Variants in TG observed in about 807,000 individuals in gnomAD.
TG encodes the protein thyroid hormones.
In TG, 270 loss-of-function variants were observed where a neutral mutation model predicts 324.7. The ratio of observed to expected loss-of-function variants is 0.83; its 90% CI spans 0.75 to 0.92. The LOEUF is 0.92. TG is among the 40% of genes least tolerant of loss of function. The pLI, the probability that TG is intolerant of heterozygous loss-of-function variation, is 0.00. For synonymous variants in TG, 1,401 were observed against 1,327.0 expected (o/e 1.06, Z -1.21); for missense variants, 3,591 against 3,456.4 (o/e 1.04, Z -0.98).
intron 16 of TG, among the ~76,000 whole-genome samples, chr8:132,905,711 T>G (rs973997393): frequency 4.6e-5 from 7 of 152,004 alleles, no homozygotes; most frequent in African/African-American, 1.4e-4. Context: ...CTCAACCCAG[T>G]GGGGTGACCA....
At chr8:133,003,647 G>A (rs566363434) in intron 35 of TG, among the ~76,000 whole-genome samples, 19 of 152,242 alleles carry the variant, frequency 1.2e-4, no homozygotes, top group African/African-American at 3.9e-4. Flanking sequence ...TTCTAGAAAG[G>A]AATAGAAGTG....
In TG at chr8:132,875,273, A is replaced by C. The variant is rs1358053173; in HGVS notation, c.638+2052A>C. Among the ~76,000 whole-genome samples the C allele has an allele frequency of 2.0e-5, 3 of 152,228 alleles. No homozygotes were observed. In the East Asian group the frequency reaches 5.8e-4, roughly 29 times the overall value. ...CTGAGAGCAAGTATAAATCTCAAACAGCCAGTTTTATTGAGTACTTATTGC... is the reference window on the plus strand; with the variant it reads ...CTGAGAGCAAGTATAAATCTCAAACCGCCAGTTTTATTGAGTACTTATTGC... On this transcript the variant is annotated intron_variant, in intron 5 of 47. Transcript: ENST00000220616.
intron 45 of TG, among the ~76,000 whole-genome samples, chr8:133,130,956 C>T (rs978339947): frequency 1.3e-5 from 2 of 152,198 alleles, no homozygotes; most frequent in African/African-American, 4.8e-5. Flanking sequence ...TAACCCTGGG[C>T]CTCCTGGCTT....
chr8:133,014,352 G>A (rs1169046474), intron 37 of TG, among the ~76,000 whole-genome samples: 2 of 152,154 alleles, frequency 1.3e-5, no homozygotes, highest in East Asian at 3.9e-4. Context: ...TGGTTCTGGG[G>A]CTCCAGGCAA....
chr8:132,911,433 G>C lies in TG; in HGVS notation c.4059G>C (p.Gln1353His). ...SIPVCNNSSV[Q>H]VGCLTRERLG... Reference sequence around the variant, plus strand: ...CTGTCTGCAACAACTCCTCTGTGCAGGTGGGTTGTCTGACCAGGGAGCGTT... The same window carrying C: ...CTGTCTGCAACAACTCCTCTGTGCACGTGGGTTGTCTGACCAGGGAGCGTT... Residue 1353 changes from glutamine to histidine, a missense_variant, in exon 19 of 48, where the codon CAG (glutamine) becomes CAC (histidine). Physicochemically the swap from Gln to His is conservative, Grantham distance 24. Transcript: ENST00000220616. 6.2e-7 allele frequency: 1 copy of C among 1,614,218 alleles called. No homozygotes were observed. Among genetic ancestry groups the C allele is most frequent in the South Asian group, 1.1e-5 (1 of 91,084 alleles).
chr8:133,043,467 A>G (rs1838712155), intron 41 of TG, among the ~76,000 whole-genome samples: 1 of 152,236 alleles, frequency 6.6e-6, no homozygotes, highest in South Asian at 2.1e-4. Context: ...GTTTTCGGAT[A>G]TCACAAGTAA....
Position 132,898,253 on chromosome 8 carries a change from G to A in TG, c.3217+7G>A. ...TCTCTGCAGATTCCACAGTGTAAGT[G>A]AAGACTGCAGAGTTCTCCTCCTGAC... On this transcript the variant is annotated splice_region_variant and intron_variant, in intron 13 of 47. Coordinates refer to ENST00000220616, the MANE Select transcript of TG (RefSeq NM_003235.5). 6.3e-7 allele frequency: 1 copy of A among 1,585,748 alleles called. No homozygotes were observed. Among genetic ancestry groups the A allele is most frequent in the African/African-American group, 1.3e-5 (1 of 74,752 alleles).
At chr8:133,076,533 A>C (rs1453105168) in intron 41 of TG, 1 of 152,206 alleles carries the variant, frequency 6.6e-6, no homozygotes, top group Non-Finnish European at 1.5e-5. Flanking sequence ...TACAGGGAAG[A>C]CGGGATAGGC....
intron 35 of TG, chr8:133,002,463 A>G: frequency 1.1e-6 from 1 of 951,926 alleles, no homozygotes; most frequent in Non-Finnish European, 1.3e-6. Flanking sequence ...TTAAATCTGA[A>G]TAGCAAATAC....
chr8:133,057,732 A>G (rs1161059826), intron 41 of TG, among the ~76,000 whole-genome samples: 1 of 151,938 alleles, frequency 6.6e-6, no homozygotes, highest in Non-Finnish European at 1.5e-5. Flanking sequence ...AAATTGACTA[A>G]TCAAGAATAT....
intron 44 of TG, among the ~76,000 whole-genome samples, chr8:133,114,505 G>T (rs1027292015): frequency 3.3e-5 from 5 of 152,174 alleles, no homozygotes; most frequent in African/African-American, 1.2e-4. Context: ...AATGATTTTT[G>T]AATAGAAATA....
intron 24 of TG, 105 bp from the exon 25 acceptor site, chr8:132,935,651 C>G (rs1024015426): frequency 9.8e-7 from 1 of 1,015,376 alleles, no homozygotes; most frequent in Non-Finnish European, 1.5e-6. Flanking sequence ...AACTAACTTA[C>G]CTTTGTAGCC....
intron 3 of TG, among the ~76,000 whole-genome samples, 170 bp downstream of exon 3, chr8:132,869,996 G>T (rs1000890860): frequency 1.3e-5 from 2 of 152,190 alleles, no homozygotes; most frequent in Non-Finnish European, 2.9e-5. Flanking sequence ...CCTATTTCCT[G>T]CAGGGCCACT....
At chr8:132,868,568 T>G (rs948296038) in intron 2 of TG, among the ~76,000 whole-genome samples, 1 of 152,112 alleles carries the variant, frequency 6.6e-6, no homozygotes, top group Non-Finnish European at 1.5e-5. Context: ...TGTCAAATGA[T>G]CTGTGCTTTG....
At chr8:132,923,096 G>T (rs945875741) in intron 21 of TG, among the ~76,000 whole-genome samples, 10 of 152,178 alleles carry the variant, frequency 6.6e-5, no homozygotes, top group Admixed American at 3.9e-4. Context: ...TGTATTCAGG[G>T]CATGGAATGA....
In TG at chr8:132,888,042, G is replaced by A. The variant is rs1815680516; in HGVS notation, c.2235G>A (p.Leu745=). ...EQAFLRTVQA[L]LSNSSMLPTL... is the part of the protein sequence containing the mutation. ...CTTTCCTCAGGACGGTGCAGGCCCT[G>A]CTCTCTAACTCCAGCATGCTACCCA... Residue 745 remains leucine (L), a synonymous_variant, in exon 10 of 48, where the codon CTG becomes CTA. Transcript: ENST00000220616. 2 of 1,614,032 alleles carry A rather than the reference G, an allele frequency of 1.2e-6. No homozygotes were observed. The highest frequency in any genetic ancestry group is 1.3e-5 in the African/African-American group (1 of 74,928).
In TG at chr8:132,961,054, G is replaced by A; in HGVS notation, c.5448G>A (p.Gln1816=). ...EGTQDTFTNF[Q]QVYLWKDSDM... is the part of the protein sequence containing the mutation. ...CTCAAGACACCTTTACCAATTTTCAGCAGGTTTATCTCTGGAAAGGTGAGC... is the reference window on the plus strand; with the variant it reads ...CTCAAGACACCTTTACCAATTTTCAACAGGTTTATCTCTGGAAAGGTGAGC... Residue 1816 remains glutamine, a synonymous_variant, in exon 28 of 48, where the codon CAG becomes CAA. Coordinates refer to ENST00000220616, the MANE Select transcript of TG (RefSeq NM_003235.5). 1 of 1,614,062 alleles carries A rather than the reference G, an allele frequency of 6.2e-7. No individual in the cohort carries two copies. The highest frequency in any genetic ancestry group is 8.5e-7 in the Non-Finnish European group (1 of 1,179,958).
At chr8:132,901,930 G>A (rs1234401200) in intron 16 of TG, among the ~76,000 whole-genome samples, 1 of 152,112 alleles carries the variant, frequency 6.6e-6, no homozygotes. Context: ...ATTTGTGGAG[G>A]TGTTGACTTG....
At chr8:133,009,162 C>T (rs1168963515) in intron 35 of TG, among the ~76,000 whole-genome samples, 1 of 152,142 alleles carries the variant, frequency 6.6e-6, no homozygotes, top group African/African-American at 2.4e-5. Flanking sequence ...AGAGTATGGC[C>T]AAGGCTTCCA....
Sources: gnomAD v4.1 joint callset for allele counts (sites outside exome capture counted in the v4.1 genomes callset) on GRCh38, gnomAD v4.1.1 for gene constraint, MANE v1.5 for transcripts, NCBI Gene and HGNC (gene_info 2026-07-23, HGNC 2026-07-21) for gene names.